Variants in DGKG observed in about 807,000 individuals in gnomAD.
The protein encoded by DGKG is DAG kinase gamma.
DGKG carries 78 observed loss-of-function variants against 105.3 expected under a neutral mutation model. That is an observed-to-expected ratio of 0.74 (90% CI 0.62 to 0.89). The LOEUF (loss-of-function observed/expected upper bound fraction) is 0.89, where lower values mean the gene tolerates loss of function less well. DGKG is among the 40% of genes least tolerant of loss of function. DGKG has a pLI of 0.00. For missense variants in DGKG, 958 were observed against 1,020.1 expected, an observed-to-expected ratio of 0.94 and a Z score of 0.83; for synonymous variants, 346 against 367.1, an observed-to-expected ratio of 0.94 and a Z score of 0.66.
chr3:186,307,405 C>G (rs1195795134), intron 2 of DGKG, among the ~76,000 whole-genome samples: 1 of 152,202 alleles, frequency 6.6e-6, no homozygotes, highest in African/African-American at 2.4e-5. Context: ...TGTGCACTCT[C>G]TCATGATGTT....
At chr3:186,287,560 A>G (rs1560134881) in intron 6 of DGKG, among the ~76,000 whole-genome samples, 1 of 152,240 alleles carries the variant, frequency 6.6e-6, no homozygotes, top group Non-Finnish European at 1.5e-5. Flanking sequence ...AATATAAAAA[A>G]ATCTGTCACC....
At chr3:186,222,377 G>A (rs2108530668) in intron 20 of DGKG, among the ~76,000 whole-genome samples, 1 of 152,354 alleles carries the variant, frequency 6.6e-6, no homozygotes, top group South Asian at 2.1e-4. Context: ...GCTTACTGGA[G>A]CTGAAGGAGT....
At chr3:186,202,083 C>A (rs79858167) in intron 21 of DGKG, among the ~76,000 whole-genome samples, 1 of 152,250 alleles carries the variant, frequency 6.6e-6, no homozygotes, top group East Asian at 1.9e-4. Context: ...TTATGAGATG[C>A]AGTTTCCTTG....
chr3:186,189,510 A>G (rs79442133), intron 21 of DGKG, among the ~76,000 whole-genome samples: 2,219 of 152,368 alleles, frequency 0.015, 63 homozygotes, highest in African/African-American at 0.051. Context: ...ATAACAGAGC[A>G]GGGATTCAAA....
At chr3:186,185,861 C>T (rs1717602663) in intron 22 of DGKG, among the ~76,000 whole-genome samples, 1 of 152,056 alleles carries the variant, frequency 6.6e-6, no homozygotes, top group East Asian at 1.9e-4. Context: ...CTTTGGGAGG[C>T]TGAGGCGGGT....
chr3:186,303,772 G>A (rs111354151), intron 3 of DGKG, among the ~76,000 whole-genome samples: 94 of 152,194 alleles, frequency 6.2e-4, no homozygotes, highest in African/African-American at 1.9e-3. Flanking sequence ...ATGGGCAAGC[G>A]CATGTTCATC....
At chr3:186,257,453 G>A (rs1448325636) in intron 17 of DGKG, among the ~76,000 whole-genome samples, 2 of 152,136 alleles carry the variant, frequency 1.3e-5, no homozygotes, top group East Asian at 1.9e-4. Context: ...CAGGCTCCGG[G>A]TGTTCATCTC....
Position 186,279,881 on chromosome 3 carries a change from T to G in DGKG, c.762A>C (p.Pro254=). ...EWVHGGMTTI[P]LLVLLGMDDS... ...CATCCATCCCCAGGAGGACCAGCAA[T>G]GGGATGGTGGTCATCCCTCCATGGA... Residue 254 remains proline, a synonymous_variant, in exon 9 of 25, where the codon CCA becomes CCC. Transcript: ENST00000265022. 6.2e-7 allele frequency: 1 copy of G among 1,613,838 alleles called. No homozygotes were observed. Among genetic ancestry groups the G allele is most frequent in the Non-Finnish European group, 8.5e-7 (1 of 1,179,840 alleles).
intron 13 of DGKG, 109 bp downstream of exon 13, chr3:186,267,576 A>G: frequency 2.4e-6 from 2 of 834,370 alleles, no homozygotes; most frequent in East Asian, 2.5e-5. Context: ...ACACAAACCC[A>G]AAGAGTTGTC....
At chr3:186,247,840 T>C (rs1721017231) in intron 19 of DGKG, among the ~76,000 whole-genome samples, 1 of 152,222 alleles carries the variant, frequency 6.6e-6, no homozygotes, top group Non-Finnish European at 1.5e-5. Flanking sequence ...ATTGGAAAGA[T>C]GAATAGATTG....
At chr3:186,222,326 C>T (rs1719624555) in intron 20 of DGKG, among the ~76,000 whole-genome samples, 1 of 152,162 alleles carries the variant, frequency 6.6e-6, no homozygotes, top group Admixed American at 6.5e-5. Flanking sequence ...AGCCAATTAA[C>T]CCATTAGGTA....
intron 3 of DGKG, among the ~76,000 whole-genome samples, chr3:186,304,890 C>T (rs1724150222): frequency 6.6e-6 from 1 of 152,176 alleles, no homozygotes; most frequent in Non-Finnish European, 1.5e-5. Context: ...AAACCTGACC[C>T]TGCCAGTAGG....
At chr3:186,244,175 C>T (rs1720825821) in intron 19 of DGKG, among the ~76,000 whole-genome samples, 2 of 151,902 alleles carry the variant, frequency 1.3e-5, no homozygotes, top group Admixed American at 6.6e-5. Flanking sequence ...TAAATGTGAG[C>T]CACTGCACCT....
intron 19 of DGKG, among the ~76,000 whole-genome samples, chr3:186,250,504 T>C (rs979693074): frequency 6.6e-6 from 1 of 151,852 alleles, no homozygotes; most frequent in Non-Finnish European, 1.5e-5. Flanking sequence ...AGGGAAAAAA[T>C]TTGATAAATA....
intron 20 of DGKG, among the ~76,000 whole-genome samples, chr3:186,224,675 C>G (rs1381734270): frequency 6.6e-6 from 1 of 152,172 alleles, no homozygotes; most frequent in African/African-American, 2.4e-5. Flanking sequence ...CAATATCAAA[C>G]AGAAAAGAAT....
chr3:186,245,546 G>A (rs1720899288), intron 19 of DGKG, among the ~76,000 whole-genome samples: 1 of 152,200 alleles, frequency 6.6e-6, no homozygotes, highest in African/African-American at 2.4e-5. Flanking sequence ...ACCCTTTCTT[G>A]ATGATAATTA....
At position 186,149,538 on chromosome 3, in the gene DGKG, A is replaced by C; in HGVS notation, c.*552T>G. On this transcript the variant is annotated 3_prime_UTR_variant, in exon 25 of 25. Coordinates refer to ENST00000265022, the MANE Select transcript of DGKG (RefSeq NM_001346.3). ...CAGGTTCACGGAGAAGTTGTCACTCAAAGGACGACCAAGAAACCAACGTGC... is the reference window on the plus strand; with the variant it reads ...CAGGTTCACGGAGAAGTTGTCACTCCAAGGACGACCAAGAAACCAACGTGC... 1.0e-6 allele frequency: 1 copy of C among 985,538 alleles called. No individual in the cohort carries two copies. Among genetic ancestry groups the C allele is most frequent in the Non-Finnish European group, 1.2e-6 (1 of 829,962 alleles). 61.0% of individuals were successfully genotyped at this position (985,538 alleles called of 1,614,324 possible).
In DGKG at chr3:186,161,589, T is replaced by C. The variant is rs375249689; in HGVS notation, c.2277+14A>G. ...AGGCTTCTCATCCCCATCTCAAAGA[T>C]TGGCAAGACTCACCGTGCAACATGG... On this transcript the variant is annotated intron_variant, in intron 24 of 24. Coordinates refer to ENST00000265022, the MANE Select transcript of DGKG (RefSeq NM_001346.3). 1.9e-6 allele frequency: 3 copies of C among 1,613,948 alleles called. No individual in the cohort carries two copies. Among genetic ancestry groups the C allele is most frequent in the African/African-American group, 2.7e-5 (2 of 74,930 alleles).
intron 1 of DGKG, among the ~76,000 whole-genome samples, chr3:186,339,161 G>A (rs34501206): frequency 0.24 from 36,020 of 152,068 alleles, 4,409 homozygotes; most frequent in Middle Eastern, 0.35. Flanking sequence ...GGGCAATTAT[G>A]CTTGTGCATT....
Sources: allele counts gnomAD v4.1 joint callset (sites outside exome capture counted in the v4.1 genomes callset), GRCh38; gene constraint gnomAD v4.1.1; transcripts MANE v1.5; gene names NCBI Gene and HGNC (gene_info 2026-07-23, HGNC 2026-07-21).